The following OPCML variants were observed in gnomAD, a reference collection of about 807,000 sequenced individuals.
OPCML encodes opioid binding protein/cell adhesion molecule like.
In OPCML, 13 loss-of-function variants were observed where a neutral mutation model predicts 37.8. The observed-to-expected ratio is 0.34, with a 90% confidence interval of 0.22 to 0.55. The LOEUF (loss-of-function observed/expected upper bound fraction) is 0.55. Among genes scored for constraint, OPCML ranks in the 20% least tolerant of loss-of-function variants. The pLI is 0.91. For missense variants in OPCML, 341 were observed against 435.6 expected, an observed-to-expected ratio of 0.78 and a Z score of 1.93; for synonymous variants, 176 against 168.8, an observed-to-expected ratio of 1.04 and a Z score of -0.33.
intron 3 of OPCML, among the ~76,000 whole-genome samples, chr11:132,531,476 C>T (rs374591233): frequency 7.2e-5 from 11 of 152,264 alleles, no homozygotes; most frequent in East Asian, 5.8e-4. Context: ...TGAATTCAGA[C>T]GATTTTGCAG....
intron 1 of OPCML, among the ~76,000 whole-genome samples, chr11:133,032,437 T>G (rs1005410962): frequency 6.6e-6 from 1 of 152,114 alleles, no homozygotes; most frequent in African/African-American, 2.4e-5. Context: ...AGCATGCTCA[T>G]TCCCTTTGCA....
intron 3 of OPCML, among the ~76,000 whole-genome samples, chr11:132,649,979 T>A (rs1251196771): frequency 6.6e-6 from 1 of 151,832 alleles, no homozygotes; most frequent in Non-Finnish European, 1.5e-5. Context: ...TCTTCTGCAG[T>A]CACATGCACA....
intron 2 of OPCML, among the ~76,000 whole-genome samples, chr11:132,897,735 G>A (rs888509861): frequency 6.6e-5 from 10 of 152,202 alleles, no homozygotes; most frequent in Non-Finnish European, 1.3e-4. Context: ...GCACCTGGTT[G>A]TGCACTTTGC....
At chr11:133,031,539 ATGGATGGATGGATGGTTGG>A (rs921816735) in intron 1 of OPCML, among the ~76,000 whole-genome samples, 3 of 147,812 alleles carry the variant, frequency 2.0e-5, no homozygotes, top group African/African-American at 7.5e-5. Context: ...GGATGGTTGG[ATGGATGGATGGATGGTTGG>A]TGGATGGATG....
Position 132,657,238 on chromosome 11 carries a change from G to A in OPCML, c.228C>T (p.Ser76=). The A allele has an allele frequency of 6.2e-7, 1 of 1,614,220 alleles. No homozygotes were observed. The highest frequency in any genetic ancestry group is 8.5e-7 in the Non-Finnish European group (1 of 1,180,036). The change falls in exon 3 of 8, where the codon TCC becomes TCT. Residue 76 remains serine (S), a synonymous_variant. Coordinates refer to ENST00000524381, the MANE Select transcript of OPCML (RefSeq NM_001012393.5). ...CCAGGATGATCACACGAGGGTCTATGGACCACTTGTCATTCCCAGCGTAGA... is the reference window on the plus strand; with the variant it reads ...CCAGGATGATCACACGAGGGTCTATAGACCACTTGTCATTCCCAGCGTAGA... The part of the protein sequence containing the change: ...TILYAGNDKW[S]IDPRVIILVN...
chr11:132,944,599 A>G (rs937286028), intron 1 of OPCML, among the ~76,000 whole-genome samples: 2 of 152,216 alleles, frequency 1.3e-5, no homozygotes, highest in Admixed American at 6.5e-5. Flanking sequence ...AAGGGCTGGG[A>G]AAAACACACC....
intron 3 of OPCML, among the ~76,000 whole-genome samples, chr11:132,557,458 T>G (rs538528920): frequency 6.6e-6 from 1 of 152,230 alleles, no homozygotes; most frequent in African/African-American, 2.4e-5. Flanking sequence ...CCAACCCCCC[T>G]GCTCTGGAAA....
intron 1 of OPCML, chr11:133,360,775 T>A (rs961035541): frequency 6.6e-6 from 1 of 151,986 alleles, no homozygotes; most frequent in African/African-American, 2.4e-5. Context: ...GATGTTGGAG[T>A]CAGACTTGCC....
At chr11:133,369,290 G>A (rs1168713653) in intron 1 of OPCML, among the ~76,000 whole-genome samples, 2 of 152,206 alleles carry the variant, frequency 1.3e-5, no homozygotes, top group Non-Finnish European at 2.9e-5. Context: ...AAATACAAAT[G>A]AGAAAAGTAT....
intron 3 of OPCML, among the ~76,000 whole-genome samples, chr11:132,613,124 G>A (rs946437258): frequency 3.9e-5 from 6 of 152,208 alleles, no homozygotes; most frequent in Non-Finnish European, 7.3e-5. Context: ...GAGATGAGCT[G>A]CTGGCGGGGA....
At chr11:132,934,291 G>A (rs1049182799) in intron 2 of OPCML, among the ~76,000 whole-genome samples, 8 of 152,180 alleles carry the variant, frequency 5.3e-5, no homozygotes, top group Admixed American at 4.6e-4. Flanking sequence ...CAGTCACCCA[G>A]GGCCTGGGGT....
intron 1 of OPCML, among the ~76,000 whole-genome samples, chr11:133,398,186 C>T (rs1945327400): frequency 6.6e-6 from 1 of 152,206 alleles, no homozygotes. Context: ...CCACAAAATT[C>T]AGACCTCCCT....
At chr11:133,006,785 C>T (rs1947121721) in intron 1 of OPCML, 2 of 985,326 alleles carry the variant, frequency 2.0e-6, no homozygotes, top group South Asian at 4.7e-5. Context: ...ATGCACACAG[C>T]AGGTCCTGCC....
intron 2 of OPCML, among the ~76,000 whole-genome samples, chr11:132,844,131 C>A (rs1941417967): frequency 2.6e-5 from 4 of 152,228 alleles, no homozygotes. Context: ...ACGTGACTTG[C>A]TCCTCCTTGC....
At chr11:133,165,957 C>T (rs957376006) in intron 1 of OPCML, among the ~76,000 whole-genome samples, 4 of 152,176 alleles carry the variant, frequency 2.6e-5, no homozygotes, top group Non-Finnish European at 4.4e-5. Flanking sequence ...GCGGATGCCT[C>T]GGTGATGAAG....
chr11:133,294,466 A>T (rs1485693862), intron 1 of OPCML, among the ~76,000 whole-genome samples: 2 of 152,112 alleles, frequency 1.3e-5, no homozygotes, highest in African/African-American at 4.8e-5. Context: ...AAGTTAATGC[A>T]TAGGGTTAAA....
chr11:132,980,348 A>G (rs1169121862), intron 1 of OPCML, among the ~76,000 whole-genome samples: 1 of 152,266 alleles, frequency 6.6e-6, no homozygotes, highest in Non-Finnish European at 1.5e-5. Flanking sequence ...TCTCTGAAAG[A>G]AGAATTTAAG....
intron 3 of OPCML, among the ~76,000 whole-genome samples, chr11:132,580,527 A>G (rs1048196953): frequency 2.0e-5 from 3 of 152,190 alleles, no homozygotes; most frequent in African/African-American, 7.2e-5. Flanking sequence ...ACAATGTTGT[A>G]ACATTATATT....
intron 1 of OPCML, among the ~76,000 whole-genome samples, chr11:133,199,351 T>C (rs1938671108): frequency 6.6e-6 from 1 of 152,244 alleles, no homozygotes; most frequent in Admixed American, 6.5e-5. Flanking sequence ...TTTATTATTG[T>C]CTTATAAGTA....
Sources: gnomAD v4.1 joint callset for allele counts (sites outside exome capture counted in the v4.1 genomes callset) on GRCh38, gnomAD v4.1.1 for gene constraint, MANE v1.5 for transcripts, NCBI Gene and HGNC (gene_info 2026-07-23, HGNC 2026-07-21) for gene names.